The following ARHGAP10 variants were observed in gnomAD, a reference collection of about 807,000 sequenced individuals.
The protein encoded by ARHGAP10 is rho GTPase-activating protein 10.
A neutral mutation model predicts 108.6 loss-of-function variants in ARHGAP10; 87 were observed. That is an observed-to-expected ratio of 0.80 (90% CI 0.67 to 0.96). The LOEUF (loss-of-function observed/expected upper bound fraction) is 0.96. Ranked by LOEUF, ARHGAP10 falls within the 40% of genes least tolerant of loss-of-function variation. The probability of loss-of-function intolerance (pLI) is 0.00; values close to 1 mark genes in which losing one functional copy is unlikely to be tolerated. For synonymous variants in ARHGAP10, 347 were observed against 341.1 expected, an observed-to-expected ratio of 1.02 and a Z score of -0.19; for missense variants, 939 against 954.5, an observed-to-expected ratio of 0.98 and a Z score of 0.21.
At position 148,023,318 on chromosome 4, in the gene ARHGAP10, C is replaced by T. The variant is rs757097563; in HGVS notation, c.1772C>T (p.Ser591Leu). 6 of 1,614,216 alleles carry T rather than the reference C, an allele frequency of 3.7e-6. No homozygotes were observed. In the Admixed American group the frequency reaches 1.0e-4, roughly 27 times the overall value. The change falls in exon 19 of 23, where the codon TCA becomes TTA. Residue 591 changes from serine (S) to leucine (L), a missense_variant. Transcript: ENST00000336498. Reference sequence around the variant, plus strand: ...CCTGAGCCCACCTGCCTGTCAGCATCACCCCCAAATGCGCCACCAAGGCAG... The same window carrying T: ...CCTGAGCCCACCTGCCTGTCAGCATTACCCCCAAATGCGCCACCAAGGCAG... ...TFPEPTCLSA[S>L]PPNAPPRQSK...
intron 1 of ARHGAP10, among the ~76,000 whole-genome samples, chr4:147,751,867 CT>C (rs1729164438): frequency 6.7e-6 from 1 of 149,022 alleles, no homozygotes; most frequent in South Asian, 2.1e-4. Context: ...AAGTTATACA[CT>C]TTCTGAAGCC....
At chr4:148,058,240 G>C (rs1019412701) in intron 20 of ARHGAP10, among the ~76,000 whole-genome samples, 5 of 152,118 alleles carry the variant, frequency 3.3e-5, no homozygotes, top group Admixed American at 2.0e-4. Context: ...TCACTAATGT[G>C]TTAGCTTCTG....
intron 1 of ARHGAP10, among the ~76,000 whole-genome samples, chr4:147,821,484 T>C (rs947120667): frequency 6.6e-6 from 1 of 152,182 alleles, no homozygotes; most frequent in African/African-American, 2.4e-5. Context: ...TGCCTTTTCA[T>C]ATTTAGGTCT....
intron 14 of ARHGAP10, among the ~76,000 whole-genome samples, chr4:147,944,200 A>G (rs1302609738): frequency 6.6e-6 from 1 of 152,246 alleles, no homozygotes; most frequent in Non-Finnish European, 1.5e-5. Flanking sequence ...ATTTAGTCCT[A>G]GTTATAAAGG....
At chr4:147,863,028 A>C (rs1408452630) in intron 5 of ARHGAP10, 3 of 152,202 alleles carry the variant, frequency 2.0e-5, no homozygotes, top group Non-Finnish European at 4.4e-5. Flanking sequence ...TTACATTTTG[A>C]AATGTGTTTC....
chr4:147,878,936 C>T (rs1165338186), intron 8 of ARHGAP10, among the ~76,000 whole-genome samples: 2 of 152,110 alleles, frequency 1.3e-5, no homozygotes, highest in African/African-American at 2.4e-5. Flanking sequence ...GCCACTATGC[C>T]TGGCTAATTT....
chr4:147,995,517 C>A (rs1378392871), intron 18 of ARHGAP10, among the ~76,000 whole-genome samples: 1 of 152,092 alleles, frequency 6.6e-6, no homozygotes, highest in African/African-American at 2.4e-5. Flanking sequence ...ATGTATTTAC[C>A]AGCATTATTT....
At chr4:147,932,085 T>G (rs1488056159) in intron 13 of ARHGAP10, among the ~76,000 whole-genome samples, 2 of 152,102 alleles carry the variant, frequency 1.3e-5, no homozygotes, top group Non-Finnish European at 2.9e-5. Flanking sequence ...CATTAATCAT[T>G]AGAGAAATGC....
intron 18 of ARHGAP10, among the ~76,000 whole-genome samples, chr4:148,013,512 T>C (rs975710268): frequency 6.6e-6 from 1 of 151,944 alleles, no homozygotes; most frequent in African/African-American, 2.4e-5. Flanking sequence ...CACGGTGAAA[T>C]GCTGTCTCTA....
In ARHGAP10 at chr4:147,758,475, A is replaced by G. The variant is rs541094805; in HGVS notation, c.154+26020A>G. Among the ~76,000 whole-genome samples the G allele has an allele frequency of 3.9e-4, 59 of 152,132 alleles. 1 individual carries two copies. The South Asian group carries it at 0.012, about 32-fold the overall frequency. ...CAGTCAATTTTAGAACATATTCATC[A>G]CCCCAGAAAGAAAGCCTGTCCCCTT... is the stretch of plus-strand genomic sequence containing the variant. On this transcript the variant is annotated intron_variant, in intron 1 of 22. Coordinates refer to ENST00000336498, the MANE Select transcript of ARHGAP10 (RefSeq NM_024605.4).
intron 4 of ARHGAP10, among the ~76,000 whole-genome samples, chr4:147,853,260 T>A (rs575515545): frequency 2.6e-4 from 39 of 152,310 alleles, no homozygotes; most frequent in African/African-American, 8.4e-4. Flanking sequence ...CGGGAGAACC[T>A]GCAGACTCCA....
At chr4:147,771,259 G>A (rs1297873054) in intron 1 of ARHGAP10, among the ~76,000 whole-genome samples, 2 of 152,130 alleles carry the variant, frequency 1.3e-5, no homozygotes, top group Non-Finnish European at 2.9e-5. Context: ...AGTACTTGAG[G>A]GACATGTCCA....
In ARHGAP10 at chr4:148,015,957, G is replaced by A. The variant is rs1741328671; in HGVS notation, c.1717-7306G>A. Among the ~76,000 whole-genome samples, 4 of 152,176 alleles carry A rather than the reference G, an allele frequency of 2.6e-5. No individual in the cohort carries two copies. The South Asian group carries it at 8.3e-4, about 31-fold the overall frequency. Reference sequence around the variant, plus strand: ...TGTGAAATAAGACATCAGCACAGAGGACACACTGTGAATGGGGCTTGGTAT... The same window carrying A: ...TGTGAAATAAGACATCAGCACAGAGAACACACTGTGAATGGGGCTTGGTAT... On this transcript the variant is annotated intron_variant, in intron 18 of 22. Transcript: ENST00000336498.
chr4:147,946,457 T>C, intron 14 of ARHGAP10, 160 bp from the exon 15 acceptor site: 1 of 565,774 alleles, frequency 1.8e-6, no homozygotes, highest in Non-Finnish European at 3.0e-6. Context: ...TCATAGAACA[T>C]AGCTTATAGT....
Position 147,837,849 on chromosome 4 carries a change from C to G in ARHGAP10, c.313-9302C>G, listed in dbSNP as rs551465963. Among the ~76,000 whole-genome samples the G allele has an allele frequency of 2.6e-4, 39 of 151,578 alleles. No individual in the cohort carries two copies. In the South Asian group the frequency reaches 7.8e-3, roughly 30 times the overall value. On this transcript the variant is annotated intron_variant, in intron 3 of 22. Coordinates refer to ENST00000336498, the MANE Select transcript of ARHGAP10 (RefSeq NM_024605.4). ...GAAGGGGTTTCAAGTGCTGGGCAGC[C>G]CAAAAGGACTGATGTTCCTGTATGT...
chr4:147,912,566 T>C (rs11730620), intron 12 of ARHGAP10, among the ~76,000 whole-genome samples: 50 of 110,554 alleles, frequency 4.5e-4, no homozygotes, highest in African/African-American at 2.4e-3. Context: ...TATATATATA[T>C]ATATATATAT....
intron 10 of ARHGAP10, among the ~76,000 whole-genome samples, chr4:147,894,620 A>G (rs1001673910): frequency 3.9e-5 from 6 of 152,064 alleles, no homozygotes; most frequent in Admixed American, 6.5e-5. Context: ...TTTTTACTCT[A>G]TGGTTTTGAA....
chr4:147,810,963 C>A (rs1477076744), intron 1 of ARHGAP10, among the ~76,000 whole-genome samples: 1 of 152,222 alleles, frequency 6.6e-6, no homozygotes, highest in Non-Finnish European at 1.5e-5. Context: ...CTCAGAGTTT[C>A]CCTTCGGGGA....
intron 10 of ARHGAP10, among the ~76,000 whole-genome samples, chr4:147,893,040 C>T (rs1735846933): frequency 6.6e-6 from 1 of 152,012 alleles, no homozygotes; most frequent in Admixed American, 6.5e-5. Context: ...CCTACAAATA[C>T]TTGTGGAATT....
Sources: gnomAD v4.1 joint callset for allele counts (sites outside exome capture counted in the v4.1 genomes callset) on GRCh38, gnomAD v4.1.1 for gene constraint, MANE v1.5 for transcripts, NCBI Gene and HGNC (gene_info 2026-07-23, HGNC 2026-07-21) for gene names.